The following PRCP variants were observed in gnomAD, a reference collection of about 807,000 sequenced individuals.
PRCP encodes the protein prolylcarboxypeptidase.
Under a neutral mutation model 54.2 loss-of-function variants are expected in PRCP, and 46 were observed. That is an observed-to-expected ratio of 0.85 (90% confidence interval 0.67 to 1.09). The LOEUF is 1.09. Among genes scored for constraint, PRCP ranks in the 50% least tolerant of loss-of-function variants. PRCP has a pLI of 0.00. For missense variants in PRCP, 613 were observed against 596.8 expected, an observed-to-expected ratio of 1.03 and a Z score of -0.28; for synonymous variants, 240 against 212.2, an observed-to-expected ratio of 1.13 and a Z score of -1.14.
Position 82,839,382 on chromosome 11 carries a change from A to T in PRCP, c.965T>A (p.Leu322Gln). The T allele has an allele frequency of 1.2e-6, 2 of 1,613,718 alleles. No individual in the cohort carries two copies. Among genetic ancestry groups the T allele is most frequent in the South Asian group, 2.2e-5 (2 of 91,030 alleles). The change falls in exon 7 of 9, where the codon CTG (leucine) becomes CAG (glutamine). Residue 322 changes from leucine (L) to glutamine (Q), a missense_variant. By Grantham distance (113) the Leu-to-Gln change is moderately radical. Coordinates refer to ENST00000313010, the MANE Select transcript of PRCP (RefSeq NM_005040.4). Reference sequence around the variant, plus strand: ...AGCTTGGAAAATATTCTGCAGCAGCAGTGAATCAGATACATTGGGATTTTT... The same window carrying T: ...AGCTTGGAAAATATTCTGCAGCAGCTGTGAATCAGATACATTGGGATTTTT... The part of the protein sequence containing the change: ...YLKNPNVSDS[L>Q]LLQNIFQALN...
intron 8 of PRCP, chr11:82,831,072 C>T (rs1189497399): frequency 2.2e-5 from 3 of 138,150 alleles, no homozygotes; most frequent in Non-Finnish European, 4.7e-5. Context: ...AAAAAAAAAT[C>T]CTGGCTTTCA....
At chr11:82,868,588 A>G (rs1859397356) in intron 1 of PRCP, among the ~76,000 whole-genome samples, 1 of 108,940 alleles carries the variant, frequency 9.2e-6, no homozygotes, top group African/African-American at 4.4e-5. Context: ...TGAAACACAG[A>G]GAAGAATTTT....
At chr11:82,825,402 G>T (rs916406101) in intron 8 of PRCP, 7 of 335,006 alleles carry the variant, frequency 2.1e-5, no homozygotes, top group Non-Finnish European at 3.3e-5. Context: ...TTAGAAACCT[G>T]AATTTCAATC....
chr11:82,853,321 A>G, intron 2 of PRCP, 43 bp from the exon 3 acceptor site: 1 of 1,535,276 alleles, frequency 6.5e-7, no homozygotes, highest in Non-Finnish European at 8.9e-7. Flanking sequence ...TCAGAATGTG[A>G]AAAAAAGTCA....
intron 1 of PRCP, among the ~76,000 whole-genome samples, chr11:82,893,567 G>A (rs1860049616): frequency 6.6e-6 from 1 of 152,132 alleles, no homozygotes; most frequent in African/African-American, 2.4e-5. Flanking sequence ...CAAGGTAAGA[G>A]AATTGCTTGA....
intron 7 of PRCP, 90 bp downstream of exon 7, chr11:82,839,171 T>C: frequency 7.2e-7 from 1 of 1,381,700 alleles, no homozygotes. Flanking sequence ...CCAGGTTAGG[T>C]GACAAAATCT....
intron 2 of PRCP, 97 bp from the exon 3 acceptor site, chr11:82,853,375 A>G: frequency 1.2e-6 from 1 of 865,078 alleles, no homozygotes; most frequent in Non-Finnish European, 1.7e-6. Flanking sequence ...TTAAGCCAGA[A>G]CAAAAAGAGC....
intron 1 of PRCP, among the ~76,000 whole-genome samples, chr11:82,874,488 C>T (rs966241897): frequency 2.6e-5 from 4 of 151,938 alleles, no homozygotes; most frequent in Admixed American, 2.0e-4. Context: ...CCAAGGAGTT[C>T]GAGACCAGCC....
intron 1 of PRCP, among the ~76,000 whole-genome samples, chr11:82,870,076 T>C (rs1859442845): frequency 6.6e-6 from 1 of 152,360 alleles, no homozygotes; most frequent in East Asian, 1.9e-4. Flanking sequence ...TAATTGATCT[T>C]GGTGACAAGG....
intron 1 of PRCP, among the ~76,000 whole-genome samples, chr11:82,862,887 T>C (rs142202375): frequency 3.9e-5 from 6 of 152,160 alleles, no homozygotes; most frequent in Non-Finnish European, 7.4e-5. Context: ...AGCAATGGGA[T>C]AAAGAGTTGG....
rs1392877611 is a variant in PRCP, at chr11:82,850,351, C to T, written c.566G>A (p.Arg189Lys). Reference sequence around the variant, plus strand: ...AACTACCATATGAGGATATTTCATCCTAAACCAGGCGGCAAGCATGCCACC... The same window carrying T: ...AACTACCATATGAGGATATTTCATCTTAAACCAGGCGGCAAGCATGCCACC... ...SYGGMLAAWF[R>K]MKYPHMVVGA... is the part of the protein sequence containing the mutation. The change falls in exon 4 of 9, where the codon AGG (arginine) becomes AAG (lysine). Residue 189 changes from arginine (R) to lysine (K), a missense_variant. Transcript: ENST00000313010. The T allele has an allele frequency of 1.3e-6, 2 of 1,584,138 alleles. No individual in the cohort carries two copies. Among genetic ancestry groups the T allele is most frequent in the South Asian group, 2.3e-5 (2 of 86,718 alleles).
At chr11:82,867,501 C>G (rs1011076868) in intron 1 of PRCP, among the ~76,000 whole-genome samples, 1 of 152,196 alleles carries the variant, frequency 6.6e-6, no homozygotes, top group South Asian at 2.1e-4. Flanking sequence ...GAGGGAGATT[C>G]TATCTGTTGG....
At chr11:82,885,526 A>G (rs1258038898) in intron 1 of PRCP, among the ~76,000 whole-genome samples, 1 of 152,236 alleles carries the variant, frequency 6.6e-6, no homozygotes, top group Non-Finnish European at 1.5e-5. Flanking sequence ...ATCCTTTTAA[A>G]TTATACACTT....
Position 82,850,002 on chromosome 11 carries a change from G to A in PRCP, c.663C>T (p.Ile221=), listed in dbSNP as rs139707418. 2.3e-5 allele frequency: 36 copies of A among 1,559,674 alleles called. No homozygotes were observed. In the African/African-American group the frequency reaches 2.9e-4, roughly 13 times the overall value. The change falls in exon 5 of 9, where the codon ATC becomes ATT. Residue 221 remains isoleucine, a synonymous_variant. Transcript: ENST00000313010. ...CGCTTTTCCTAAAATCTGTAGTTAC[G>A]ATCTTCATAAATACACCACAAGGTA... is the stretch of plus-strand genomic sequence containing the variant. ...DLVPCGVFMK[I]VTTDFRKSGP...
At chr11:82,886,422 C>T (rs1003409968) in intron 1 of PRCP, among the ~76,000 whole-genome samples, 2 of 151,896 alleles carry the variant, frequency 1.3e-5, no homozygotes, top group African/African-American at 4.8e-5. Flanking sequence ...GTAGCTGAGA[C>T]CACAGGTGCA....
intron 8 of PRCP, chr11:82,828,183 T>C (rs962483412): frequency 2.0e-5 from 3 of 152,214 alleles, no homozygotes; most frequent in African/African-American, 7.2e-5. Flanking sequence ...CCAAAATCAT[T>C]TGATTTGGCA....
At chr11:82,885,244 A>T (rs1859838519) in intron 1 of PRCP, among the ~76,000 whole-genome samples, 1 of 152,186 alleles carries the variant, frequency 6.6e-6, no homozygotes, top group Non-Finnish European at 1.5e-5. Flanking sequence ...TGTAATATAT[A>T]TTTAATATAC....
intron 1 of PRCP, among the ~76,000 whole-genome samples, chr11:82,870,611 T>C (rs746490066): frequency 1.3e-5 from 2 of 152,222 alleles, no homozygotes; most frequent in South Asian, 2.1e-4. Flanking sequence ...TTAAAAGAGA[T>C]AGTAAAAGAG....
At chr11:82,862,229 G>T (rs7948399) in intron 1 of PRCP, among the ~76,000 whole-genome samples, 55,857 of 151,972 alleles carry the variant, frequency 0.37, 10,741 homozygotes, top group African/African-American at 0.47. Flanking sequence ...TTTCTTAAAC[G>T]GAATTTTAAA....
Sources: allele counts gnomAD v4.1 joint callset (sites outside exome capture counted in the v4.1 genomes callset), GRCh38; gene constraint gnomAD v4.1.1; transcripts MANE v1.5; gene names NCBI Gene and HGNC (gene_info 2026-07-23, HGNC 2026-07-21).